The following CACNA2D3 variants were observed in gnomAD, a reference collection of about 807,000 sequenced individuals.
The protein encoded by CACNA2D3 is calcium voltage-gated channel auxiliary subunit alpha2delta 3.
CACNA2D3 carries 60 observed loss-of-function variants against 160.6 expected under a neutral mutation model. The observed-to-expected ratio is 0.37, with a 90% CI of 0.30 to 0.46. CACNA2D3 has a LOEUF of 0.46. CACNA2D3 is among the 20% of genes least tolerant of loss of function. The pLI is 1.00. For missense variants in CACNA2D3, 1,205 were observed against 1,365.0 expected, an observed-to-expected ratio of 0.88 and a Z score of 1.85; for synonymous variants, 558 against 492.9, an observed-to-expected ratio of 1.13 and a Z score of -1.75.
chr3:54,146,526 C>T (rs1700031703), intron 2 of CACNA2D3, among the ~76,000 whole-genome samples: 1 of 152,206 alleles, frequency 6.6e-6, no homozygotes, highest in Non-Finnish European at 1.5e-5. Flanking sequence ...TGTGTCCAGT[C>T]TCTCACTCTT....
intron 12 of CACNA2D3, among the ~76,000 whole-genome samples, chr3:54,763,755 A>T (rs1157307897): frequency 2.0e-5 from 1 of 49,590 alleles, no homozygotes; most frequent in Admixed American, 2.6e-4. Flanking sequence ...GTGCATATAT[A>T]TACACATATA....
chr3:54,470,708 A>T (rs191506534), intron 4 of CACNA2D3, among the ~76,000 whole-genome samples: 8 of 152,270 alleles, frequency 5.3e-5, no homozygotes, highest in Non-Finnish European at 1.0e-4. Context: ...AAATAAAGGG[A>T]TGGAGGAATA....
chr3:54,268,347 T>C (rs72976287), intron 2 of CACNA2D3, among the ~76,000 whole-genome samples: 2,294 of 152,262 alleles, frequency 0.015, 56 homozygotes, highest in African/African-American at 0.053. Flanking sequence ...CACTGAGGTG[T>C]GGACCCAATC....
chr3:54,599,743 T>C (rs889190918), intron 9 of CACNA2D3, among the ~76,000 whole-genome samples: 1 of 152,232 alleles, frequency 6.6e-6, no homozygotes, highest in Non-Finnish European at 1.5e-5. Flanking sequence ...GATTAAACTG[T>C]TGCTTTTGCT....
At chr3:54,408,980 G>A (rs1476487797) in intron 4 of CACNA2D3, among the ~76,000 whole-genome samples, 1 of 152,156 alleles carries the variant, frequency 6.6e-6, no homozygotes, top group African/African-American at 2.4e-5. Flanking sequence ...AACCAGTTAA[G>A]AAAATGTTGT....
chr3:54,153,116 A>C (rs1700181821), intron 2 of CACNA2D3, among the ~76,000 whole-genome samples: 1 of 152,234 alleles, frequency 6.6e-6, no homozygotes, highest in South Asian at 2.1e-4. Context: ...TGTGCAGGGC[A>C]CAGGGTATCA....
chr3:54,254,445 G>T (rs1702256559), intron 2 of CACNA2D3, among the ~76,000 whole-genome samples: 1 of 152,212 alleles, frequency 6.6e-6, no homozygotes, highest in Non-Finnish European at 1.5e-5. Flanking sequence ...CTGGAGGAGT[G>T]CAGTGAGGTA....
chr3:54,957,006 T>C (rs1276252011), intron 27 of CACNA2D3, among the ~76,000 whole-genome samples: 1 of 152,160 alleles, frequency 6.6e-6, no homozygotes, highest in African/African-American at 2.4e-5. Context: ...AATATCAAGT[T>C]TGCAGGATGT....
intron 2 of CACNA2D3, among the ~76,000 whole-genome samples, chr3:54,249,107 T>G (rs958351546): frequency 2.0e-5 from 3 of 152,152 alleles, no homozygotes; most frequent in African/African-American, 7.2e-5. Flanking sequence ...TGGAGAGACT[T>G]TGCATCCCTT....
At chr3:54,440,485 T>A (rs1320419765) in intron 4 of CACNA2D3, among the ~76,000 whole-genome samples, 4 of 152,132 alleles carry the variant, frequency 2.6e-5, no homozygotes, top group South Asian at 4.1e-4. Flanking sequence ...TTTAAAAAAA[T>A]TATTTTTATT....
chr3:54,618,695 C>T (rs1487198097), intron 9 of CACNA2D3, among the ~76,000 whole-genome samples: 2 of 152,106 alleles, frequency 1.3e-5, no homozygotes, highest in African/African-American at 2.4e-5. Flanking sequence ...TAACCTGTGT[C>T]TTAGCACACG....
At chr3:54,288,870 C>A (rs1703107075) in intron 2 of CACNA2D3, among the ~76,000 whole-genome samples, 1 of 152,166 alleles carries the variant, frequency 6.6e-6, no homozygotes, top group Non-Finnish European at 1.5e-5. Flanking sequence ...CAAAATTCAA[C>A]AACCTTCATG....
chr3:54,351,626 G>A (rs1018497093), intron 3 of CACNA2D3, among the ~76,000 whole-genome samples: 6 of 152,144 alleles, frequency 3.9e-5, no homozygotes, highest in Non-Finnish European at 7.3e-5. Context: ...CTTTCTACAA[G>A]CCAGTTGGTA....
intron 4 of CACNA2D3, among the ~76,000 whole-genome samples, chr3:54,430,314 T>C (rs1699970459): frequency 6.6e-6 from 1 of 152,216 alleles, no homozygotes; most frequent in Admixed American, 6.5e-5. Flanking sequence ...ATTACTGATA[T>C]GTTCCCTCCC....
intron 9 of CACNA2D3, chr3:54,626,477 T>A: frequency 6.2e-7 from 1 of 1,605,920 alleles, no homozygotes; most frequent in South Asian, 1.1e-5. Context: ...CTGCCCGAGA[T>A]GGTGGGCAGC....
At chr3:54,955,939 A>T (rs924284166) in intron 27 of CACNA2D3, among the ~76,000 whole-genome samples, 1 of 152,106 alleles carries the variant, frequency 6.6e-6, no homozygotes, top group Admixed American at 6.5e-5. Flanking sequence ...GAAGAGAAAA[A>T]ATTGGTATTC....
At chr3:54,624,628 GAA>G (rs951125745) in intron 9 of CACNA2D3, among the ~76,000 whole-genome samples, 2 of 151,296 alleles carry the variant, frequency 1.3e-5, no homozygotes, top group Admixed American at 1.3e-4. Context: ...TCCGTCTCAA[GAA>G]AAAAAAGAAA....
intron 27 of CACNA2D3, among the ~76,000 whole-genome samples, chr3:54,948,816 T>A (rs1410532500): frequency 6.6e-6 from 1 of 152,228 alleles, no homozygotes; most frequent in African/African-American, 2.4e-5. Flanking sequence ...TACAGTTGCA[T>A]CTGTCAGGAG....
chr3:54,137,821 ACT>A (rs142472941), intron 2 of CACNA2D3, among the ~76,000 whole-genome samples: 11,985 of 152,188 alleles, frequency 0.079, 600 homozygotes, highest in South Asian at 0.14. Context: ...TAGAAGGCTG[ACT>A]CTGACCTATA....
Sources: gnomAD v4.1 joint callset for allele counts (sites outside exome capture counted in the v4.1 genomes callset) on GRCh38, gnomAD v4.1.1 for gene constraint, MANE v1.5 for transcripts, NCBI Gene and HGNC (gene_info 2026-07-23, HGNC 2026-07-21) for gene names.